ADAMTS6: variants seen among roughly 807,000 people sequenced by gnomAD.
The protein encoded by ADAMTS6 is A disintegrin and metalloproteinase with thrombospondin motifs 6.
ADAMTS6 carries 23 observed loss-of-function variants against 144.3 expected under a neutral mutation model. The observed-to-expected ratio is 0.16, with a 90% CI of 0.11 to 0.23. The LOEUF is 0.23. Among genes scored for constraint, ADAMTS6 ranks in the 10% least tolerant of loss-of-function variants. ADAMTS6 has a pLI of 1.00. For missense variants in ADAMTS6, 999 were observed against 1,379.6 expected (o/e 0.72, Z 4.37); for synonymous variants, 444 against 457.5 (o/e 0.97, Z 0.38).
At chr5:65,249,144 G>A (rs942282291) in intron 14 of ADAMTS6, among the ~76,000 whole-genome samples, 1 of 151,992 alleles carries the variant, frequency 6.6e-6, no homozygotes, top group Non-Finnish European at 1.5e-5. Context: ...TTATTATATT[G>A]CCTCTCTAAA....
intron 7 of ADAMTS6, among the ~76,000 whole-genome samples, chr5:65,438,267 C>T (rs762682414): frequency 7.2e-5 from 11 of 152,212 alleles, no homozygotes; most frequent in Non-Finnish European, 8.8e-5. Context: ...GTGGCTCATG[C>T]CTGTAATCCC....
At chr5:65,221,274 A>G (rs1757306981) in intron 18 of ADAMTS6, among the ~76,000 whole-genome samples, 1 of 152,224 alleles carries the variant, frequency 6.6e-6, no homozygotes, top group African/African-American at 2.4e-5. Context: ...TTCCAGCAAT[A>G]TATAAGAGTA....
intron 20 of ADAMTS6, chr5:65,210,602 G>T: frequency 1.7e-6 from 1 of 605,172 alleles, no homozygotes. Flanking sequence ...AAAGTTTTTG[G>T]CACCCCAAAG....
intron 22 of ADAMTS6, among the ~76,000 whole-genome samples, chr5:65,178,464 G>A (rs944140469): frequency 6.6e-6 from 1 of 152,160 alleles, no homozygotes; most frequent in Non-Finnish European, 1.5e-5. Context: ...AGCTTTTCAT[G>A]AGTTAAAAGA....
chr5:65,267,816 G>A (rs1189699100), intron 12 of ADAMTS6, among the ~76,000 whole-genome samples: 2 of 152,142 alleles, frequency 1.3e-5, no homozygotes, highest in African/African-American at 4.8e-5. Context: ...AGATTTTGCA[G>A]GAAGTAATAT....
chr5:65,274,687 T>C (rs1762318492), intron 11 of ADAMTS6, among the ~76,000 whole-genome samples: 1 of 142,732 alleles, frequency 7.0e-6, no homozygotes. Context: ...TTTGTTTGTT[T>C]GTTTGTTTGT....
At chr5:65,251,740 T>C (rs1484708822) in intron 14 of ADAMTS6, 2 of 152,178 alleles carry the variant, frequency 1.3e-5, no homozygotes, top group African/African-American at 2.4e-5. Context: ...CTAGGCTAAT[T>C]ATGTTGCTGT....
intron 7 of ADAMTS6, among the ~76,000 whole-genome samples, chr5:65,373,284 A>G (rs1183173039): frequency 6.6e-6 from 1 of 151,640 alleles, no homozygotes; most frequent in Non-Finnish European, 1.5e-5. Context: ...AAATAGAGAC[A>G]CAAAAAGCCC....
chr5:65,301,201 C>CAT (rs1026769996), intron 9 of ADAMTS6, among the ~76,000 whole-genome samples: 14 of 151,990 alleles, frequency 9.2e-5, no homozygotes, highest in Non-Finnish European at 1.6e-4. Context: ...CACTACATAC[C>CAT]ATATATATGT....
chr5:65,453,128 GAAAAC>G (rs527750053), intron 4 of ADAMTS6, among the ~76,000 whole-genome samples: 2,223 of 152,048 alleles, frequency 0.015, 52 homozygotes, highest in African/African-American at 0.05. Flanking sequence ...AACTGCTCAT[GAAAAC>G]AAAACAAATC....
chr5:65,265,900 T>C (rs988967752), intron 12 of ADAMTS6, among the ~76,000 whole-genome samples: 8 of 151,860 alleles, frequency 5.3e-5, no homozygotes, highest in African/African-American at 9.7e-5. Context: ...AAAAAATCCA[T>C]TGGAGGTGTA....
chr5:65,264,650 A>G (rs1210482767), intron 12 of ADAMTS6, among the ~76,000 whole-genome samples: 1 of 152,138 alleles, frequency 6.6e-6, no homozygotes, highest in African/African-American at 2.4e-5. Flanking sequence ...AAGCCTCAAG[A>G]GTCACTTGTG....
chr5:65,242,252 C>T (rs1225515961), intron 14 of ADAMTS6, 46 bp from the exon 15 acceptor site: 2 of 1,435,850 alleles, frequency 1.4e-6, no homozygotes, highest in Non-Finnish European at 1.9e-6. Flanking sequence ...TGGAAAATAC[C>T]AAAAGCAAGG....
intron 24 of ADAMTS6, among the ~76,000 whole-genome samples, chr5:65,158,691 C>T (rs1331600620): frequency 2.6e-5 from 4 of 152,166 alleles, no homozygotes; most frequent in Admixed American, 2.6e-4. Context: ...TTAGCAGCAA[C>T]ATAGTGTTAC....
At chr5:65,224,210 G>T in intron 18 of ADAMTS6, 110 bp downstream of exon 18, 1 of 855,290 alleles carries the variant, frequency 1.2e-6, no homozygotes, top group Non-Finnish European at 1.9e-6. Flanking sequence ...CTTCATTTTA[G>T]CATGAAAGTG....
At chr5:65,354,931 G>A (rs1054266487) in intron 7 of ADAMTS6, among the ~76,000 whole-genome samples, 4 of 151,742 alleles carry the variant, frequency 2.6e-5, no homozygotes, top group African/African-American at 9.7e-5. Context: ...TGTCGGGAAA[G>A]GTATTGTGGC....
chr5:65,371,093 G>C (rs937781836), intron 7 of ADAMTS6, among the ~76,000 whole-genome samples: 3 of 152,008 alleles, frequency 2.0e-5, no homozygotes, highest in East Asian at 1.9e-4. Context: ...CTAACAAATA[G>C]GACATCCACA....
intron 7 of ADAMTS6, among the ~76,000 whole-genome samples, chr5:65,443,033 T>C (rs1376577603): frequency 6.6e-6 from 1 of 152,220 alleles, no homozygotes; most frequent in East Asian, 1.9e-4. Context: ...GGCTGCATAG[T>C]ATTCCATGGT....
intron 8 of ADAMTS6, among the ~76,000 whole-genome samples, chr5:65,331,003 CA>C (rs531706455): frequency 4.7e-4 from 72 of 151,750 alleles, no homozygotes; most frequent in African/African-American, 1.6e-3. Flanking sequence ...AAGAGACAGA[CA>C]CACACAGTGA....
Sources: allele counts gnomAD v4.1 joint callset (sites outside exome capture counted in the v4.1 genomes callset), GRCh38; gene constraint gnomAD v4.1.1; transcripts MANE v1.5; gene names NCBI Gene and HGNC (gene_info 2026-07-23, HGNC 2026-07-21).